The following MRE11 variants were observed in gnomAD, a reference collection of about 807,000 sequenced individuals.
MRE11 encodes MRE11 double strand break repair nuclease.
Under a neutral mutation model 91.7 loss-of-function variants are expected in MRE11, and 62 were observed. The ratio of observed to expected loss-of-function variants is 0.68; its 90% CI spans 0.55 to 0.84. The LOEUF (loss-of-function observed/expected upper bound fraction) is 0.84, where lower values mean the gene tolerates loss of function less well. MRE11 is among the 40% of genes least tolerant of loss of function. The pLI is 0.00. For missense variants in MRE11, 796 were observed against 852.9 expected, an observed-to-expected ratio of 0.93 and a Z score of 0.83; for synonymous variants, 273 against 271.4, an observed-to-expected ratio of 1.01 and a Z score of -0.06.
chr11:94,492,687 T>C (rs748110279), intron 2 of MRE11, 95 bp downstream of exon 2: 12 of 1,529,646 alleles, frequency 7.8e-6, no homozygotes, highest in Non-Finnish European at 9.9e-6. Context: ...GTTCCTTATT[T>C]ACTGCTTATT....
intron 3 of MRE11, among the ~76,000 whole-genome samples, chr11:94,487,978 TAAG>T (rs745484721): frequency 6.6e-6 from 1 of 152,172 alleles, no homozygotes; most frequent in Non-Finnish European, 1.5e-5. Flanking sequence ...GATTCAATAA[TAAG>T]AAATACTAAA....
chr11:94,507,466 T>C, the MRE11 span, among the ~76,000 whole-genome samples: 1 of 152,210 alleles, frequency 6.6e-6, no homozygotes, highest in Non-Finnish European at 1.5e-5. Context: ...GTACATACTA[T>C]ACATTTCAGT....
chr11:94,498,237 G>A (rs1057152217), upstream of MRE11: 1 of 1,614,134 alleles, frequency 6.2e-7, no homozygotes, highest in Non-Finnish European at 8.5e-7. Context: ...GTGGATGGCT[G>A]GACGCCCCTG....
intron 4 of MRE11, among the ~76,000 whole-genome samples, chr11:94,480,330 T>C (rs1946982088): frequency 6.6e-6 from 1 of 152,234 alleles, no homozygotes; most frequent in Non-Finnish European, 1.5e-5. Context: ...TAGAAAAATA[T>C]ACATTTCTGC....
the MRE11 span, among the ~76,000 whole-genome samples, chr11:94,507,119 C>T: frequency 1.3e-5 from 2 of 152,184 alleles, no homozygotes; most frequent in Non-Finnish European, 2.9e-5. Context: ...ATAATCAGCA[C>T]CTCCAACAGC....
intron 13 of MRE11, among the ~76,000 whole-genome samples, chr11:94,457,408 AG>A: frequency 6.6e-6 from 1 of 152,242 alleles, no homozygotes; most frequent in East Asian, 1.9e-4. Context: ...AGAGGAACAG[AG>A]AGCAGTAGCT....
At chr11:94,502,195 C>G in the MRE11 span, among the ~76,000 whole-genome samples, 44 of 152,336 alleles carry the variant, frequency 2.9e-4, no homozygotes, top group East Asian at 5.4e-3. Flanking sequence ...AGAACTTACA[C>G]GGATTGCCCA....
chr11:94,509,292 CA>C, the MRE11 span, among the ~76,000 whole-genome samples: 1 of 152,014 alleles, frequency 6.6e-6, no homozygotes, highest in African/African-American at 2.4e-5. Flanking sequence ...TTTTGGCTCT[CA>C]ATGCTGTTAT....
the MRE11 span, among the ~76,000 whole-genome samples, chr11:94,509,105 C>T: frequency 6.6e-6 from 1 of 152,152 alleles, no homozygotes; most frequent in East Asian, 1.9e-4. Flanking sequence ...ATTGAGATTA[C>T]ATGAAATTTC....
the MRE11 span, among the ~76,000 whole-genome samples, chr11:94,511,579 G>T: frequency 6.6e-6 from 1 of 152,098 alleles, no homozygotes; most frequent in East Asian, 1.9e-4. Context: ...TTTCATCGTA[G>T]GAAATCAACA....
In MRE11 at chr11:94,459,460, C is replaced by T. The variant is rs587781378; in HGVS notation, c.1448G>A (p.Arg483Gln). The T allele has an allele frequency of 1.1e-5, 17 of 1,613,986 alleles. No homozygotes were observed. Among genetic ancestry groups the T allele is most frequent in the East Asian group, 4.5e-5 (2 of 44,852 alleles). ...LVKYQLEKTQ[R>Q]FLKERHIDAL... is the part of the protein sequence containing the mutation. The stretch of plus-strand genomic sequence containing the variant: ...ATCAATATGACGTTCTTTAAGAAAT[C>T]GCTGTGTTTTTTCCAACTGGTATTT... Residue 483 changes from arginine (R) to glutamine (Q), a missense_variant, in exon 13 of 20, where the codon CGA becomes CAA. Physicochemically the swap from Arg to Gln is conservative, Grantham distance 43. Coordinates refer to ENST00000323929, the MANE Select transcript of MRE11 (RefSeq NM_005591.4).
At position 94,420,595 on chromosome 11, in the gene MRE11, G is replaced by C. The variant is rs533067922; in HGVS notation, c.2071-414C>G. 2.0e-5 allele frequency among the ~76,000 whole-genome samples: 3 copies of C among 152,282 alleles called. No individual in the cohort carries two copies. In the East Asian group the frequency reaches 5.8e-4, roughly 29 times the overall value. On this transcript the variant is annotated intron_variant, in intron 19 of 19. Coordinates refer to ENST00000323929, the MANE Select transcript of MRE11 (RefSeq NM_005591.4). ...TGAAGCCACATGGAGATCCAACTCA[G>C]AAACAGCTGTAATTTTATTTCCCAT...
rs962900118 is a variant in MRE11 at position 94,416,426 on chromosome 11, G to T, written c.*3699C>A. 6.6e-6 allele frequency: 1 copy of T among 152,090 alleles called. No individual in the cohort carries two copies. Among genetic ancestry groups the T allele is most frequent in the African/African-American group, 2.4e-5 (1 of 41,420 alleles). 9.4% of individuals were successfully genotyped at this position (152,090 alleles called of 1,614,324 possible). ...AAGTTCAAAAGTACTAAAAGAAAAT[G>T]AAACAGGCAAATGATGAAATGTGGA... On this transcript the variant is annotated 3_prime_UTR_variant, in exon 20 of 20. Coordinates refer to ENST00000323929, the MANE Select transcript of MRE11 (RefSeq NM_005591.4).
upstream of MRE11, among the ~76,000 whole-genome samples, chr11:94,495,579 G>A (rs955505992): frequency 3.3e-5 from 5 of 152,104 alleles, no homozygotes; most frequent in Non-Finnish European, 5.9e-5. Context: ...CTGGGAATTC[G>A]TATTTGTAAA....
chr11:94,454,614 T>A (rs1381516736), intron 14 of MRE11, among the ~76,000 whole-genome samples: 2 of 152,184 alleles, frequency 1.3e-5, no homozygotes, highest in African/African-American at 4.8e-5. Context: ...GAAGCCCCAA[T>A]TACATTTTAG....
At chr11:94,480,622 G>C (rs751127371) in intron 4 of MRE11, among the ~76,000 whole-genome samples, 4 of 152,218 alleles carry the variant, frequency 2.6e-5, no homozygotes, top group Non-Finnish European at 4.4e-5. Context: ...TTAGGTCAAA[G>C]AGTACATGTA....
chr11:94,479,879 G>A lies in MRE11; in HGVS notation c.315-118C>T, dbSNP rs1258168241. ...AACTGCATAATCTACATTGGCATAT[G>A]ACCACTAGTTTAGAGCTTTAAAAAA... On this transcript the variant is annotated intron_variant, in intron 4 of 19. Coordinates refer to ENST00000323929, the MANE Select transcript of MRE11 (RefSeq NM_005591.4). 6.7e-6 allele frequency: 5 copies of A among 742,734 alleles called. No individual in the cohort carries two copies. The African/African-American group carries it at 7.0e-5, about 10-fold the overall frequency. 46.0% of individuals were successfully genotyped at this position (742,734 alleles called of 1,614,324 possible).
At chr11:94,496,760 C>T (rs1322092649), upstream of MRE11, 1 of 1,612,380 alleles carries the variant, frequency 6.2e-7, no homozygotes, top group Non-Finnish European at 8.5e-7. Context: ...TTTTTCTGAA[C>T]ACTTTAACCA....
chr11:94,464,211 A>G lies in MRE11; in HGVS notation c.1127T>C (p.Phe376Ser). 6.2e-7 allele frequency: 1 copy of G among 1,614,008 alleles called. No individual in the cohort carries two copies. The highest frequency in any genetic ancestry group is 8.5e-7 in the Non-Finnish European group (1 of 1,179,926). The part of the protein sequence containing the change: ...RVDYSGGFEP[F>S]SVLRFSQKFV... ...TTTCTGGCTAAAGCGAAGAACACTG[A>G]AAGGTTCAAAACCTCCACTATAGTC... The change falls in exon 11 of 20, where the codon TTC becomes TCC. Residue 376 changes from phenylalanine (F) to serine (S), a missense_variant. Physicochemically the swap from Phe to Ser is radical, Grantham distance 155 (BLOSUM62 -2). Transcript: ENST00000323929.
Sources: gnomAD v4.1 joint callset for allele counts (sites outside exome capture counted in the v4.1 genomes callset) on GRCh38, gnomAD v4.1.1 for gene constraint, MANE v1.5 for transcripts, NCBI Gene and HGNC (gene_info 2026-07-23, HGNC 2026-07-21) for gene names.